The following NRXN3 variants were observed in gnomAD, a reference collection of about 807,000 sequenced individuals.
NRXN3 encodes neurexin III.
In NRXN3, 32 loss-of-function variants were observed where a neutral mutation model predicts 137.6. That is an observed-to-expected ratio of 0.23 (90% CI 0.18 to 0.31). The LOEUF (loss-of-function observed/expected upper bound fraction) is 0.31, where lower values mean the gene tolerates loss of function less well. Among genes scored for constraint, NRXN3 ranks in the 10% least tolerant of loss-of-function variants. The pLI is 1.00. For missense variants in NRXN3, 1,574 were observed against 2,062.5 expected (o/e 0.76, Z 4.59); for synonymous variants, 798 against 784.5 (o/e 1.02, Z -0.29).
intron 15 of NRXN3, among the ~76,000 whole-genome samples, chr14:79,236,378 T>G (rs979548463): frequency 3.3e-5 from 5 of 152,160 alleles, no homozygotes; most frequent in African/African-American, 1.2e-4. Context: ...TTTATGTATA[T>G]GTATGTATAT....
At chr14:79,437,180 T>C (rs561756799) in intron 15 of NRXN3, among the ~76,000 whole-genome samples, 1 of 152,242 alleles carries the variant, frequency 6.6e-6, no homozygotes, top group Non-Finnish European at 1.5e-5. Context: ...TTTCCCCAAA[T>C]TCTGAGCTGC....
At chr14:78,420,963 G>T (rs2093418327) in intron 4 of NRXN3, among the ~76,000 whole-genome samples, 1 of 152,334 alleles carries the variant, frequency 6.6e-6, no homozygotes, top group African/African-American at 2.4e-5. Context: ...GATGTGTGCT[G>T]TGTAGACAGC....
intron 16 of NRXN3, among the ~76,000 whole-genome samples, chr14:79,649,399 T>G (rs1348527232): frequency 6.6e-6 from 1 of 152,120 alleles, no homozygotes; most frequent in Non-Finnish European, 1.5e-5. Flanking sequence ...CAGGCACGTT[T>G]GGAAAATAAA....
intron 15 of NRXN3, among the ~76,000 whole-genome samples, chr14:79,129,708 G>C (rs2057141322): frequency 1.8e-5 from 2 of 110,416 alleles, no homozygotes; most frequent in African/African-American, 6.1e-5. Context: ...TTGGTGCAGA[G>C]CTGAGTTCAA....
chr14:79,822,329 T>C (rs528822698), intron 20 of NRXN3, among the ~76,000 whole-genome samples: 2 of 152,312 alleles, frequency 1.3e-5, no homozygotes, highest in African/African-American at 2.4e-5. Flanking sequence ...AAGGACAATA[T>C]GGTGAGTCTG....
intron 4 of NRXN3, among the ~76,000 whole-genome samples, chr14:78,489,301 C>T (rs2095621268): frequency 6.6e-6 from 1 of 152,258 alleles, no homozygotes; most frequent in South Asian, 2.1e-4. Flanking sequence ...TGTTCATCTC[C>T]ACGCCTCTGT....
chr14:78,716,760 C>T (rs909726437), intron 8 of NRXN3, among the ~76,000 whole-genome samples: 1 of 152,294 alleles, frequency 6.6e-6, no homozygotes, highest in African/African-American at 2.4e-5. Flanking sequence ...ACTACAAACC[C>T]TTTTTACAGT....
At chr14:79,743,093 AC>A (rs2098968182) in intron 19 of NRXN3, among the ~76,000 whole-genome samples, 1 of 152,164 alleles carries the variant, frequency 6.6e-6, no homozygotes, top group Non-Finnish European at 1.5e-5. Flanking sequence ...TTTTTGTGGC[AC>A]CTGGGTGATG....
intron 17 of NRXN3, among the ~76,000 whole-genome samples, chr14:79,686,015 C>G (rs1156367875): frequency 6.6e-6 from 1 of 151,998 alleles, no homozygotes; most frequent in Non-Finnish European, 1.5e-5. Flanking sequence ...CATGATAGGC[C>G]AGGTGTGGTG....
chr14:79,280,594 T>C (rs1006494202), intron 15 of NRXN3: 4 of 1,506,004 alleles, frequency 2.7e-6, no homozygotes, highest in African/African-American at 2.8e-5. Context: ...GCTAACCCAC[T>C]AGCCTTGCAG....
chr14:78,759,177 C>T (rs2098682042), intron 8 of NRXN3, among the ~76,000 whole-genome samples: 1 of 152,178 alleles, frequency 6.6e-6, no homozygotes, highest in South Asian at 2.1e-4. Context: ...ACTGGGAAGA[C>T]TGAGGCAATG....
chr14:78,289,712 A>G (rs2075596716), intron 3 of NRXN3, among the ~76,000 whole-genome samples: 2 of 152,086 alleles, frequency 1.3e-5, no homozygotes, highest in South Asian at 4.2e-4. Flanking sequence ...TCAAGAGATC[A>G]AGACCGTCCT....
intron 15 of NRXN3, among the ~76,000 whole-genome samples, chr14:79,422,892 G>C (rs577333589): frequency 1.3e-5 from 2 of 151,856 alleles, no homozygotes; most frequent in Admixed American, 6.6e-5. Context: ...TAGAGACGGG[G>C]TTTCACCATA....
At chr14:78,417,297 G>A (rs2093194006) in intron 4 of NRXN3, among the ~76,000 whole-genome samples, 1 of 152,172 alleles carries the variant, frequency 6.6e-6, no homozygotes, top group South Asian at 2.1e-4. Context: ...CCACACTGTT[G>A]TTCATGTCCT....
intron 4 of NRXN3, among the ~76,000 whole-genome samples, chr14:78,327,792 G>C (rs920660738): frequency 6.6e-6 from 1 of 152,162 alleles, no homozygotes; most frequent in African/African-American, 2.4e-5. Context: ...ATGCTACAAA[G>C]AAAGATAACA....
intron 15 of NRXN3, among the ~76,000 whole-genome samples, chr14:79,306,912 G>A (rs141889902): frequency 8.1e-4 from 123 of 152,176 alleles, no homozygotes; most frequent in African/African-American, 2.7e-3. Flanking sequence ...AAACTTGACA[G>A]CCTTTTTAGT....
At chr14:79,727,603 G>GT (rs1568027370) in intron 19 of NRXN3, among the ~76,000 whole-genome samples, 1 of 151,426 alleles carries the variant, frequency 6.6e-6, no homozygotes. Context: ...GATGATTTGG[G>GT]TTAAAAAAAA....
chr14:79,194,877 A>G (rs532093717), intron 15 of NRXN3, among the ~76,000 whole-genome samples: 103 of 152,210 alleles, frequency 6.8e-4, no homozygotes, highest in African/African-American at 2.4e-3. Context: ...AAGATATCTC[A>G]TGTGATTAAC....
intron 15 of NRXN3, among the ~76,000 whole-genome samples, chr14:79,364,548 G>A (rs1011008777): frequency 1.3e-5 from 2 of 151,912 alleles, no homozygotes; most frequent in African/African-American, 4.8e-5. Flanking sequence ...CACAAATGTA[G>A]GAAATAAAAG....
Sources: gnomAD v4.1 joint callset for allele counts (sites outside exome capture counted in the v4.1 genomes callset) on GRCh38, gnomAD v4.1.1 for gene constraint, MANE v1.5 for transcripts, NCBI Gene and HGNC (gene_info 2026-07-23, HGNC 2026-07-21) for gene names.